Variants in CSF2RA observed in about 807,000 individuals in gnomAD.
CSF2RA encodes the protein granulocyte-macrophage colony-stimulating factor receptor subunit alpha.
Under a neutral mutation model 51.6 loss-of-function variants are expected in CSF2RA, and 42 were observed. The ratio of observed to expected loss-of-function variants is 0.81; its 90% confidence interval spans 0.64 to 1.05. CSF2RA has a LOEUF of 1.05. Among genes scored for constraint, CSF2RA ranks in the 50% least tolerant of loss-of-function variants. The probability of loss-of-function intolerance (pLI) is 0.00; values close to 1 mark genes in which losing one functional copy is unlikely to be tolerated. For synonymous variants in CSF2RA, 222 were observed against 193.0 expected (o/e 1.15, Z -1.24); for missense variants, 530 against 501.1 (o/e 1.06, Z -0.55).
intron 11 of CSF2RA, among the ~76,000 whole-genome samples, chrX:1,304,503 G>A (rs1224746881): frequency 6.6e-6 from 1 of 151,464 alleles, no homozygotes; most frequent in Non-Finnish European, 1.5e-5. Flanking sequence ...CGGGCACAGG[G>A]ATGGGAATGG....
the CSF2RA span, among the ~76,000 whole-genome samples, chrX:1,322,997 C>T: frequency 2.3e-4 from 35 of 151,582 alleles, no homozygotes; most frequent in East Asian, 9.7e-4. Context: ...GGCGTGGTGG[C>T]GGGCGCCTGT....
At chrX:1,295,792 C>T (rs1387634393) in intron 9 of CSF2RA, among the ~76,000 whole-genome samples, 2 of 150,674 alleles carry the variant, frequency 1.3e-5, no homozygotes, top group Non-Finnish European at 3.0e-5. Flanking sequence ...CACCTGGACC[C>T]CGTGTAGACA....
the CSF2RA span, among the ~76,000 whole-genome samples, chrX:1,324,813 C>G: frequency 1.3e-5 from 2 of 152,038 alleles, no homozygotes; most frequent in African/African-American, 2.4e-5. Flanking sequence ...CCCATGAAGC[C>G]CTTTGCTGTC....
rs2148380863 is a variant in CSF2RA at position 1,288,634 on chromosome X, C to G, written c.335C>G (p.Pro112Arg). 6.2e-7 allele frequency: 1 copy of G among 1,613,902 alleles called. No homozygotes were observed. Among genetic ancestry groups the G allele is most frequent in the Non-Finnish European group, 8.5e-7 (1 of 1,179,862 alleles). Reference protein sequence around the residue: ...QRGFQQKLLYPNSGREGTAAQ... With the variant: ...QRGFQQKLLYRNSGREGTAAQ... The stretch of plus-strand genomic sequence containing the variant: ...GGATTTCAACAGAAACTGCTTTATC[C>G]AAATTCAGGTAAGCAAGACAGCTCA... Residue 112 changes from proline to arginine, a missense_variant, in exon 5 of 13, where the codon CCA (proline) becomes CGA (arginine). By Grantham distance (103) the Pro-to-Arg change is moderately radical (BLOSUM62 -2). Transcript: ENST00000381529.
the CSF2RA span, among the ~76,000 whole-genome samples, chrX:1,322,428 T>A: frequency 8.2e-6 from 1 of 121,694 alleles, no homozygotes; most frequent in Non-Finnish European, 1.7e-5. Flanking sequence ...CCATCTTAAC[T>A]GTGTGTGTTT....
intron 4 of CSF2RA, among the ~76,000 whole-genome samples, chrX:1,286,719 C>G (rs1252041248): frequency 6.6e-6 from 1 of 152,164 alleles, no homozygotes; most frequent in Non-Finnish European, 1.5e-5. Context: ...CAATGTGTAC[C>G]AGAGCCTGAT....
chrX:1,291,146 T>C (rs185936860), intron 7 of CSF2RA, among the ~76,000 whole-genome samples: 100 of 152,220 alleles, frequency 6.6e-4, no homozygotes, highest in Non-Finnish European at 1.2e-3. Flanking sequence ...AGTCTCGAAC[T>C]CCTGACCTCA....
At chrX:1,283,813 C>T (rs1378252376) in intron 3 of CSF2RA, among the ~76,000 whole-genome samples, 32 of 151,856 alleles carry the variant, frequency 2.1e-4, no homozygotes, top group Non-Finnish European at 4.4e-5. Flanking sequence ...CAGGTGATCC[C>T]GTGCCTCGGC....
the CSF2RA span, among the ~76,000 whole-genome samples, chrX:1,320,274 C>T: frequency 5.9e-5 from 9 of 151,592 alleles, 1 homozygote; most frequent in Admixed American, 1.3e-4. Context: ...GTGATCCACC[C>T]GCCTCGGCCT....
chrX:1,322,459 T>TTTTTTC, the CSF2RA span, among the ~76,000 whole-genome samples: 2 of 146,468 alleles, frequency 1.4e-5, no homozygotes, highest in African/African-American at 5.0e-5. Context: ...TTTTTTTTTT[T>TTTTTTC]GAAAGGTAGC....
intron 9 of CSF2RA, 147 bp from the exon 10 acceptor site, chrX:1,300,344 C>A: frequency 2.1e-6 from 2 of 965,728 alleles, no homozygotes; most frequent in Non-Finnish European, 3.2e-6. Flanking sequence ...CCCGATCAGA[C>A]CAAGTGCATT....
chrX:1,291,261 T>C (rs2091364939), intron 7 of CSF2RA, among the ~76,000 whole-genome samples: 1 of 100,314 alleles, frequency 1.0e-5, no homozygotes, highest in Non-Finnish European at 2.4e-5. Flanking sequence ...CCTCCCTGCC[T>C]TTCTGCCTTT....
chrX:1,321,303 A>G, the CSF2RA span, among the ~76,000 whole-genome samples: 1 of 151,884 alleles, frequency 6.6e-6, no homozygotes, highest in African/African-American at 2.4e-5. Context: ...CCCTTTCTCC[A>G]CTAAAAATAC....
rs1425062155 is a variant in CSF2RA at position 1,274,823 on chromosome X, G to A, written c.-27+5G>A. 2.2e-6 allele frequency: 1 copy of A among 453,482 alleles called. No individual in the cohort carries two copies. Among genetic ancestry groups the A allele is most frequent in the Non-Finnish European group, 4.4e-6 (1 of 226,700 alleles). The allele number at this position is 453,482 out of a possible 1,614,324, so 28.1% of individuals were successfully genotyped here. The stretch of plus-strand genomic sequence containing the variant: ...GCGATGTTTGCGTAGAACCCTGTAC[G>A]TGCTTCCTTCGGCCTGTCGGTAATG... On this transcript the variant is annotated splice_donor_5th_base_variant and intron_variant, in intron 2 of 12. Transcript: ENST00000381529.
rs1456871554 is a variant in CSF2RA at position 1,285,866 on chromosome X, A to T, written c.165A>T (p.Thr55=). ...MNLSWDCQEN[T]TFSKCFLTDK... The stretch of plus-strand genomic sequence containing the variant: ...TAAGCTGGGACTGCCAAGAAAACAC[A>T]ACCTTCAGCAAGTGTTTCTTAACTG... Residue 55 remains threonine (T), a synonymous_variant, in exon 4 of 13, where the codon ACA becomes ACT. Transcript: ENST00000381529. The T allele has an allele frequency of 2.5e-6, 4 of 1,613,806 alleles. No individual in the cohort carries two copies. Among genetic ancestry groups the T allele is most frequent in the Middle Eastern group, 1.6e-4 (1 of 6,078 alleles).
intron 1 of CSF2RA, among the ~76,000 whole-genome samples, chrX:1,273,416 A>T (rs1287337902): frequency 2.0e-5 from 3 of 151,906 alleles, no homozygotes; most frequent in Non-Finnish European, 4.4e-5. Flanking sequence ...GGTTCAAGCG[A>T]TTCTCCTGCC....
downstream of CSF2RA, among the ~76,000 whole-genome samples, chrX:1,311,200 G>A (rs1349708601): frequency 1.2e-4 from 18 of 150,720 alleles, no homozygotes; most frequent in Admixed American, 2.7e-4. Context: ...AGTGAGCCAA[G>A]ATCACGCCAT....
intron 11 of CSF2RA, among the ~76,000 whole-genome samples, chrX:1,305,087 A>G (rs1185401743): frequency 2.2e-4 from 32 of 142,504 alleles, no homozygotes; most frequent in East Asian, 1.7e-3. Flanking sequence ...TCCACCTCCC[A>G]GGTTCAAGCA....
the CSF2RA span, among the ~76,000 whole-genome samples, chrX:1,322,857 C>T: frequency 4.6e-5 from 7 of 151,848 alleles, no homozygotes; most frequent in East Asian, 1.9e-4. Context: ...TGGCCGGGCG[C>T]GGTGGCTCAC....
Sources: gnomAD v4.1 joint callset for allele counts (sites outside exome capture counted in the v4.1 genomes callset) on GRCh38, gnomAD v4.1.1 for gene constraint, MANE v1.5 for transcripts, NCBI Gene and HGNC (gene_info 2026-07-23, HGNC 2026-07-21) for gene names.